BICRA: variants seen among roughly 807,000 people sequenced by gnomAD.
BICRA encodes BRD4 interacting chromatin remodeling complex associated protein.
A neutral mutation model predicts 96.9 loss-of-function variants in BICRA; 31 were observed. The ratio of observed to expected loss-of-function variants is 0.32; its 90% CI spans 0.24 to 0.43. The LOEUF (loss-of-function observed/expected upper bound fraction) is 0.43. Among genes scored for constraint, BICRA ranks in the 20% least tolerant of loss-of-function variants. The pLI is 1.00. For missense variants in BICRA, 2,283 were observed against 2,190.3 expected, an observed-to-expected ratio of 1.04 and a Z score of -0.84; for synonymous variants, 1,350 against 1,071.8, an observed-to-expected ratio of 1.26 and a Z score of -5.07.
chr19:47,660,067 G>A (rs1972682534), intron 1 of BICRA, among the ~76,000 whole-genome samples: 1 of 152,154 alleles, frequency 6.6e-6, no homozygotes, highest in Admixed American at 6.6e-5. Flanking sequence ...TACCACAGAT[G>A]CAGGATCTTA....
chr19:47,694,974 G>C lies in BICRA; in HGVS notation c.2970G>C (p.Gly990=). 1 of 1,555,892 alleles carries C rather than the reference G, an allele frequency of 6.4e-7. No homozygotes were observed. Among genetic ancestry groups the C allele is most frequent in the Non-Finnish European group, 8.6e-7 (1 of 1,158,412 alleles). The change falls in exon 9 of 15, where the codon GGG becomes GGC. Residue 990 remains glycine, a synonymous_variant. Coordinates refer to ENST00000594866, the MANE Select transcript of BICRA (RefSeq NM_001394372.1). ...PAAPQTSTSL[G]PLTSPAASVL... is the part of the protein sequence containing the mutation. ...CCCCGCAGACCTCCACCAGCCTGGG[G>C]CCCCTCACCAGCCCCGCTGCGTCTG...
rs566752088 is a variant in BICRA at position 47,618,836 on chromosome 19, C to T, written c.-108+9668C>T. 2.0e-5 allele frequency among the ~76,000 whole-genome samples: 3 copies of T among 152,316 alleles called. No individual in the cohort carries two copies. The South Asian group carries it at 6.2e-4, about 32-fold the overall frequency. ...CTGCTGCCTGGAGGCAGAGGATGGC[C>T]CAGTGTCCAGGGACACCTGCAGGTG... On this transcript the variant is annotated intron_variant, in intron 1 of 14. Coordinates refer to ENST00000594866, the MANE Select transcript of BICRA (RefSeq NM_001394372.1).
In BICRA at chr19:47,702,416, C is replaced by A; in HGVS notation, c.*1C>A. On this transcript the variant is annotated 3_prime_UTR_variant, in exon 15 of 15. Coordinates refer to ENST00000594866, the MANE Select transcript of BICRA (RefSeq NM_001394372.1). ...CGGCGCCAGGACGTTGACCAGATAA[C>A]ACCGGGCCGCCTCCCCTTCCCCGTC... The A allele has an allele frequency of 6.7e-7, 1 of 1,489,562 alleles. No homozygotes were observed. Among genetic ancestry groups the A allele is most frequent in the Non-Finnish European group, 8.8e-7 (1 of 1,135,778 alleles). 92.3% of individuals were successfully genotyped at this position (1,489,562 alleles called of 1,614,324 possible).
chr19:47,700,402 C>T (rs1334022516), intron 14 of BICRA: 2 of 151,956 alleles, frequency 1.3e-5, no homozygotes, highest in Non-Finnish European at 2.9e-5. Context: ...TGATTTACCC[C>T]CAGTGGGTTT....
chr19:47,673,882 C>T, intron 4 of BICRA, 120 bp downstream of exon 4: 1 of 880,880 alleles, frequency 1.1e-6, no homozygotes, highest in East Asian at 2.4e-5. Flanking sequence ...CTTCTAACGC[C>T]AGGCACTGGA....
intron 3 of BICRA, 42 bp downstream of exon 3, chr19:47,673,657 C>T (rs751094127): frequency 2.0e-6 from 3 of 1,516,264 alleles, no homozygotes; most frequent in South Asian, 1.1e-5. Context: ...TGTCTCAACC[C>T]CCTCCCTTCC....
Position 47,701,871 on chromosome 19 carries a change from C to G in BICRA, c.4139C>G (p.Pro1380Arg). The change falls in exon 15 of 15, where the codon CCG becomes CGG. Residue 1380 changes from proline (P) to arginine (R), a missense_variant. Physicochemically the swap from Pro to Arg is moderately radical, Grantham distance 103. Transcript: ENST00000594866. The surrounding 1 kb of genome is among the most constrained non-coding windows in gnomAD (Gnocchi z 5.4). Reference protein sequence around the residue: ...APERKPLGTAPHCPRLPLRKT... With the variant: ...APERKPLGTARHCPRLPLRKT... ...GAGCGCAAGCCCCTGGGCACCGCCC[C>G]GCACTGCCCGCGCCTGCCACTGCGC... is the stretch of plus-strand genomic sequence containing the variant. 1 of 1,478,824 alleles carries G rather than the reference C, an allele frequency of 6.8e-7. No individual in the cohort carries two copies. Among genetic ancestry groups the G allele is most frequent in the Non-Finnish European group, 8.9e-7 (1 of 1,120,610 alleles). The allele number at this position is 1,478,824 out of a possible 1,614,324, so 91.6% of individuals were successfully genotyped here.
chr19:47,643,441 G>A (rs1383127767), intron 1 of BICRA, among the ~76,000 whole-genome samples: 1 of 152,194 alleles, frequency 6.6e-6, no homozygotes, highest in African/African-American at 2.4e-5. Context: ...AGGCCCTGGA[G>A]GGGCATCTGT....
At chr19:47,650,230 T>G (rs1972521510) in intron 1 of BICRA, among the ~76,000 whole-genome samples, 1 of 152,028 alleles carries the variant, frequency 6.6e-6, no homozygotes, top group Non-Finnish European at 1.5e-5. Flanking sequence ...CCACCCAGGG[T>G]CAAGTGATTT....
At chr19:47,681,528 G>A (rs1158959335) in intron 6 of BICRA, among the ~76,000 whole-genome samples, 1 of 152,194 alleles carries the variant, frequency 6.6e-6, no homozygotes. Context: ...TAGGCAGTGA[G>A]AGGGACTGGC....
intron 1 of BICRA, among the ~76,000 whole-genome samples, chr19:47,664,181 C>G (rs1277585223): frequency 6.6e-6 from 1 of 152,198 alleles, no homozygotes. Flanking sequence ...GGCAGGCAAC[C>G]TGAGGTTACT....
intron 4 of BICRA, among the ~76,000 whole-genome samples, chr19:47,674,082 C>T (rs1972906153): frequency 6.6e-6 from 1 of 152,116 alleles, no homozygotes; most frequent in Admixed American, 6.5e-5. Flanking sequence ...CCAGGGGCTC[C>T]TTTAGATAGT....
At chr19:47,673,547 C>A (rs751281562) in intron 2 of BICRA, 23 bp from the exon 3 acceptor site, 1 of 1,607,410 alleles carries the variant, frequency 6.2e-7, no homozygotes, top group South Asian at 1.1e-5. Context: ...CCCTCGCCCT[C>A]TTCCTGACCC....
At chr19:47,665,373 C>T (rs1264359607) in intron 1 of BICRA, among the ~76,000 whole-genome samples, 1 of 152,244 alleles carries the variant, frequency 6.6e-6, no homozygotes, top group Non-Finnish European at 1.5e-5. Context: ...GAGGACAAAA[C>T]AAGCAAAAGT....
At chr19:47,664,057 G>A (rs543387502) in intron 1 of BICRA, among the ~76,000 whole-genome samples, 36 of 152,280 alleles carry the variant, frequency 2.4e-4, no homozygotes, top group Middle Eastern at 3.4e-3. Context: ...AGGCTTCTGC[G>A]AGCGGAGGAG....
chr19:47,651,588 C>T (rs541389862), intron 1 of BICRA, among the ~76,000 whole-genome samples: 1 of 152,258 alleles, frequency 6.6e-6, no homozygotes, highest in African/African-American at 2.4e-5. Flanking sequence ...TCACTCCCAG[C>T]ACCATCGGGA....
rs34439763 is a variant in BICRA, at chr19:47,641,983, T to C, written c.-107-28460T>C. On this transcript the variant is annotated intron_variant, in intron 1 of 14. Coordinates refer to ENST00000594866, the MANE Select transcript of BICRA (RefSeq NM_001394372.1). ...GTAAATGCGATTGTTTCTTAAGTCC[T>C]TTTTTGGTTAGGTTCGTTGTTAGTG... is the stretch of plus-strand genomic sequence containing the variant. 7.9e-3 allele frequency among the ~76,000 whole-genome samples: 1,208 copies of C among 152,332 alleles called. 17 individuals carry two copies. The highest frequency in any genetic ancestry group is 0.034 in the Middle Eastern group (10 of 294).
At chr19:47,639,709 A>G (rs1246139494) in intron 1 of BICRA, among the ~76,000 whole-genome samples, 1 of 143,722 alleles carries the variant, frequency 7.0e-6, no homozygotes, top group African/African-American at 2.6e-5. Context: ...TGGCACCATC[A>G]TGACTCATTG....
chr19:47,638,200 G>C (rs1228791836), intron 1 of BICRA, among the ~76,000 whole-genome samples: 1 of 152,058 alleles, frequency 6.6e-6, no homozygotes, highest in Non-Finnish European at 1.5e-5. Context: ...TTTCCAGGGA[G>C]CCCGGGGTAG....
Sources: gnomAD v4.1 joint callset for allele counts (sites outside exome capture counted in the v4.1 genomes callset) on GRCh38, gnomAD v4.1.1 for gene constraint, Gnocchi (gnomAD v3.1) non-coding constraint, MANE v1.5 for transcripts, NCBI Gene and HGNC (gene_info 2026-07-23, HGNC 2026-07-21) for gene names.